NRG1: variants seen among roughly 807,000 people sequenced by gnomAD.
The protein encoded by NRG1 is neuregulin 1.
In NRG1, 18 loss-of-function variants were observed where a neutral mutation model predicts 63.8. The observed-to-expected ratio is 0.28, with a 90% CI of 0.19 to 0.42. NRG1 has a LOEUF of 0.42. Among genes scored for constraint, NRG1 ranks in the 10% least tolerant of loss-of-function variants. The pLI is 1.00. For synonymous variants in NRG1, 302 were observed against 301.3 expected, an observed-to-expected ratio of 1.00 and a Z score of -0.02; for missense variants, 762 against 814.7, an observed-to-expected ratio of 0.94 and a Z score of 0.79.
chr8:32,093,339 A>G (rs972190976), intron 1 of NRG1, among the ~76,000 whole-genome samples: 1 of 152,250 alleles, frequency 6.6e-6, no homozygotes, highest in African/African-American at 2.4e-5. Flanking sequence ...AAGGATAGCA[A>G]CAAGTATAAG....
intron 1 of NRG1, among the ~76,000 whole-genome samples, chr8:32,046,933 C>G (rs1821097694): frequency 6.6e-6 from 1 of 151,910 alleles, no homozygotes; most frequent in Admixed American, 6.6e-5. Context: ...AAAAATAAAA[C>G]TAGAAGAAAA....
At chr8:32,624,649 A>G (rs1282575498) in intron 5 of NRG1, among the ~76,000 whole-genome samples, 2 of 152,182 alleles carry the variant, frequency 1.3e-5, no homozygotes, top group African/African-American at 2.4e-5. Context: ...TAAAAGACTC[A>G]TTAGTACCTA....
At chr8:31,649,904 T>A (rs535383841) in intron 1 of NRG1, among the ~76,000 whole-genome samples, 1 of 152,370 alleles carries the variant, frequency 6.6e-6, no homozygotes, top group South Asian at 2.1e-4. Flanking sequence ...AATTTCCCTG[T>A]CTGTATTCCT....
intron 1 of NRG1, among the ~76,000 whole-genome samples, chr8:31,732,416 C>A (rs934324726): frequency 2.6e-5 from 4 of 152,092 alleles, no homozygotes; most frequent in Admixed American, 2.6e-4. Flanking sequence ...CGCCCCCACA[C>A]CCCACCATCT....
intron 1 of NRG1, among the ~76,000 whole-genome samples, chr8:32,291,177 T>A (rs578120860): frequency 2.0e-5 from 3 of 152,318 alleles, no homozygotes; most frequent in East Asian, 3.9e-4. Context: ...ACTGACTAGA[T>A]GAGATCCAGT....
chr8:32,584,440 C>A (rs193027637), intron 1 of NRG1, among the ~76,000 whole-genome samples: 1 of 152,150 alleles, frequency 6.6e-6, no homozygotes, highest in East Asian at 1.9e-4. Context: ...AAATGTGGAC[C>A]CTGCTGAAGA....
intron 1 of NRG1, among the ~76,000 whole-genome samples, chr8:32,584,140 CT>C (rs1387518591): frequency 6.6e-6 from 1 of 152,162 alleles, no homozygotes; most frequent in African/African-American, 2.4e-5. Context: ...TACGGTTTGA[CT>C]TTGGAGGACA....
chr8:31,890,033 C>G (rs1831027228), intron 1 of NRG1, among the ~76,000 whole-genome samples: 1 of 152,206 alleles, frequency 6.6e-6, no homozygotes, highest in African/African-American at 2.4e-5. Context: ...GCAAGATACT[C>G]TTTTGTTCTG....
At chr8:32,392,406 A>G (rs1309866787) in intron 1 of NRG1, among the ~76,000 whole-genome samples, 1 of 152,238 alleles carries the variant, frequency 6.6e-6, no homozygotes, top group Non-Finnish European at 1.5e-5. Flanking sequence ...ATGAGTAAAA[A>G]CATGGGAAGG....
chr8:32,214,403 G>A (rs766667679), intron 1 of NRG1, among the ~76,000 whole-genome samples: 1 of 152,154 alleles, frequency 6.6e-6, no homozygotes, highest in African/African-American at 2.4e-5. Context: ...ACATCATGCT[G>A]CATAAAACCT....
In NRG1 at chr8:31,915,532, C is replaced by T. The variant is rs997746271; in HGVS notation, c.37+276101C>T. On this transcript the variant is annotated intron_variant, in intron 1 of 10. Transcript: ENST00000519301. ...AGATAGAAACTGAGTTATGTCTTAG[C>T]TGAACTTGTAGTGCCCTAAATATTA... Among the ~76,000 whole-genome samples, 18 of 152,244 alleles carry T rather than the reference C, an allele frequency of 1.2e-4. No individual in the cohort carries two copies. In the South Asian group the frequency reaches 3.7e-3, roughly 32 times the overall value.
At chr8:32,537,153 G>A (rs868685588) in intron 1 of NRG1, among the ~76,000 whole-genome samples, 1 of 116,280 alleles carries the variant, frequency 8.6e-6, no homozygotes, top group Non-Finnish European at 1.6e-5. Flanking sequence ...CCCAGATCGC[G>A]CCACTGCATT....
chr8:31,852,822 A>C lies in NRG1; in HGVS notation c.37+213391A>C, dbSNP rs533271933. ...GGAAGGGATCCAGTTTCAGCTTTCT[A>C]CATATGGCTAGCCAGTTTTCCCAGC... is the stretch of plus-strand genomic sequence containing the variant. On this transcript the variant is annotated intron_variant, in intron 1 of 10. Transcript: ENST00000519301. 4.0e-3 allele frequency among the ~76,000 whole-genome samples: 602 copies of C among 152,258 alleles called. 1 individual carries two copies. The highest frequency in any genetic ancestry group is 0.024 in the Middle Eastern group (7 of 294).
intron 5 of NRG1, among the ~76,000 whole-genome samples, chr8:32,680,123 A>G (rs981941440): frequency 6.6e-6 from 1 of 152,210 alleles, no homozygotes; most frequent in Admixed American, 6.5e-5. Flanking sequence ...CATAATTACC[A>G]TGTCCTCAGT....
chr8:32,375,430 G>T (rs1425691547), intron 1 of NRG1, among the ~76,000 whole-genome samples: 2 of 152,140 alleles, frequency 1.3e-5, no homozygotes, highest in Non-Finnish European at 2.9e-5. Flanking sequence ...CTTGTCAGTT[G>T]TATATTTGAT....
intron 1 of NRG1, among the ~76,000 whole-genome samples, chr8:32,456,318 G>A (rs1821592376): frequency 1.3e-5 from 2 of 152,186 alleles, no homozygotes; most frequent in South Asian, 4.2e-4. Flanking sequence ...ACTCCTGTTT[G>A]CTCGTGTTCT....
intron 1 of NRG1, among the ~76,000 whole-genome samples, chr8:32,293,406 A>G (rs1328858489): frequency 6.6e-6 from 1 of 152,182 alleles, no homozygotes; most frequent in Non-Finnish European, 1.5e-5. Flanking sequence ...GGCAAGGAAC[A>G]GATTTTTCCC....
Position 32,595,724 on chromosome 8 carries a change from C to G in NRG1, c.101-104C>G, listed in dbSNP as rs1843232402. On this transcript the variant is annotated intron_variant, in intron 1 of 11. Transcript: ENST00000356819. Reference sequence around the variant, plus strand: ...ATTGTTTTTCTCTCTGTTAATAAAACCTTTGGAATGGTGCCTTGATCAGGC... The same window carrying G: ...ATTGTTTTTCTCTCTGTTAATAAAAGCTTTGGAATGGTGCCTTGATCAGGC... 5 of 1,033,224 alleles carry G rather than the reference C, an allele frequency of 4.8e-6. No homozygotes were observed. The Admixed American group carries it at 1.0e-4, about 21-fold the overall frequency. The allele number at this position is 1,033,224 out of a possible 1,614,324, so 64.0% of individuals were successfully genotyped here.
chr8:31,846,133 C>A (rs2129608356), intron 1 of NRG1, among the ~76,000 whole-genome samples: 1 of 152,344 alleles, frequency 6.6e-6, no homozygotes, highest in East Asian at 1.9e-4. Context: ...ATAAGACCTT[C>A]TCACAGATTT....
Sources: gnomAD v4.1 joint callset for allele counts (sites outside exome capture counted in the v4.1 genomes callset) on GRCh38, gnomAD v4.1.1 for gene constraint, MANE v1.5 for transcripts, NCBI Gene and HGNC (gene_info 2026-07-23, HGNC 2026-07-21) for gene names.